STPG2: variants seen among roughly 807,000 people sequenced by gnomAD.
The protein encoded by STPG2 is sperm-tail PG-rich repeat-containing protein 2.
In STPG2, 56 loss-of-function variants were observed where a neutral mutation model predicts 54.2. The observed-to-expected ratio is 1.03, with a 90% CI of 0.83 to 1.29. The LOEUF is 1.29. Among genes scored for constraint, STPG2 ranks in the 50% most tolerant of loss-of-function variants. The pLI is 0.00. For synonymous variants in STPG2, 200 were observed against 181.8 expected (o/e 1.10, Z -0.81); for missense variants, 596 against 544.9 (o/e 1.09, Z -0.93).
chr4:97,978,661 A>G (rs1410590661), intron 6 of STPG2, among the ~76,000 whole-genome samples: 2 of 152,218 alleles, frequency 1.3e-5, no homozygotes, highest in Non-Finnish European at 2.9e-5. Flanking sequence ...AACTTAAAAT[A>G]AAAGTTAAAA....
intron 9 of STPG2, among the ~76,000 whole-genome samples, chr4:97,806,158 C>T (rs561752794): frequency 2.4e-4 from 37 of 152,226 alleles, no homozygotes; most frequent in Admixed American, 1.6e-3. Context: ...AAATGTGGTA[C>T]ATAAACACAA....
At chr4:97,580,272 A>C (rs984826473) in intron 10 of STPG2, among the ~76,000 whole-genome samples, 1 of 151,944 alleles carries the variant, frequency 6.6e-6, no homozygotes, top group Non-Finnish European at 1.5e-5. Context: ...TATCAGAATC[A>C]CCAGGTGACA....
At position 97,476,828 on chromosome 4, in the gene STPG2, C is replaced by T. The variant is rs1055944243; in HGVS notation, c.462+235871G>A. ...TTACACTGGAATATTTTCTTTCATC[C>T]CAACAATAAACTCTAAGTGGTTCCA... On this transcript the variant is annotated intron_variant, in intron 4 of 4. Transcript: ENST00000522676. Among the ~76,000 whole-genome samples the T allele has an allele frequency of 2.0e-5, 3 of 152,120 alleles. No individual in the cohort carries two copies. The East Asian group carries it at 5.8e-4, about 29-fold the overall frequency.
At chr4:97,486,705 A>G (rs925780148) in intron 4 of STPG2, among the ~76,000 whole-genome samples, 1 of 151,744 alleles carries the variant, frequency 6.6e-6, no homozygotes, top group African/African-American at 2.4e-5. Flanking sequence ...CATGAAAAAG[A>G]TACTTGCACA....
At chr4:97,556,390 A>G (rs576343879), downstream of STPG2, among the ~76,000 whole-genome samples, 16 of 152,308 alleles carry the variant, frequency 1.1e-4, no homozygotes, top group East Asian at 2.5e-3. Context: ...AATTTATCTA[A>G]CTTATAAGAA....
chr4:97,926,413 C>T (rs927865571), intron 8 of STPG2, among the ~76,000 whole-genome samples: 1 of 152,086 alleles, frequency 6.6e-6, no homozygotes, highest in Non-Finnish European at 1.5e-5. Flanking sequence ...TTCATTTTAC[C>T]AGACTTCCCC....
At chr4:97,942,026 C>T (rs1232774989) in intron 8 of STPG2, among the ~76,000 whole-genome samples, 1 of 151,668 alleles carries the variant, frequency 6.6e-6, no homozygotes. Flanking sequence ...TAAATTAAGT[C>T]AAAAATATTG....
chr4:97,987,180 C>A (rs2149266817), intron 5 of STPG2, among the ~76,000 whole-genome samples: 1 of 152,266 alleles, frequency 6.6e-6, no homozygotes, highest in Non-Finnish European at 1.5e-5. Context: ...ATTTCCTTAG[C>A]AAAGCAGCCC....
intron 10 of STPG2, among the ~76,000 whole-genome samples, chr4:97,632,887 C>A (rs1054054320): frequency 2.6e-5 from 4 of 152,068 alleles, no homozygotes; most frequent in Non-Finnish European, 2.9e-5. Flanking sequence ...ATCAATTATT[C>A]ATTCAACAAC....
intron 10 of STPG2, among the ~76,000 whole-genome samples, chr4:97,569,300 T>G (rs1417068459): frequency 6.6e-6 from 1 of 152,192 alleles, no homozygotes; most frequent in East Asian, 1.9e-4. Flanking sequence ...CAATGCATTA[T>G]AATTAGTGTA....
intron 10 of STPG2, among the ~76,000 whole-genome samples, chr4:97,695,958 A>G (rs1412145888): frequency 6.6e-6 from 1 of 152,118 alleles, no homozygotes; most frequent in African/African-American, 2.4e-5. Flanking sequence ...TGCAGTTCCC[A>G]TCAAACTGCA....
chr4:97,597,312 C>A lies in STPG2; in HGVS notation c.1321-38195G>T, dbSNP rs181455494. Among the ~76,000 whole-genome samples the A allele has an allele frequency of 2.9e-3, 445 of 152,054 alleles. 1 individual carries two copies. Among genetic ancestry groups the A allele is most frequent in the Non-Finnish European group, 5.1e-3 (346 of 67,970 alleles). ...GCCCACAACCAGATGGATTCACAGC[C>A]AAATCCTACCAGATGTATAAGAAAG... On this transcript the variant is annotated intron_variant, in intron 10 of 10. Transcript: ENST00000295268.
intron 9 of STPG2, among the ~76,000 whole-genome samples, chr4:97,741,749 C>G (rs375747048): frequency 6.6e-6 from 1 of 151,250 alleles, no homozygotes; most frequent in Admixed American, 6.6e-5. Context: ...AATAGGAACA[C>G]TTTTACACTG....
At position 97,580,225 on chromosome 4, in the gene STPG2, T is replaced by A. The variant is rs566364949; in HGVS notation, c.1321-21108A>T. On this transcript the variant is annotated intron_variant, in intron 10 of 10. Coordinates refer to ENST00000295268, the MANE Select transcript of STPG2 (RefSeq NM_174952.3). Reference sequence around the variant, plus strand: ...CCGTATTTATTCTGCAATAAAGTCATAAGACAGCGTTAACTCACTCATTTT... The same window carrying A: ...CCGTATTTATTCTGCAATAAAGTCAAAAGACAGCGTTAACTCACTCATTTT... 3.3e-5 allele frequency among the ~76,000 whole-genome samples: 5 copies of A among 152,072 alleles called. No homozygotes were observed. In the South Asian group the frequency reaches 6.2e-4, roughly 19 times the overall value.
In STPG2 at chr4:97,887,375, G is replaced by C. The variant is rs185125770; in HGVS notation, c.1045-46443C>G. On this transcript the variant is annotated intron_variant, in intron 8 of 10. Coordinates refer to ENST00000295268, the MANE Select transcript of STPG2 (RefSeq NM_174952.3). ...GGTTGACAAGATCTCAGATGGAGAT[G>C]AGGAACTTATTGGGAACTGGAGTAA... Among the ~76,000 whole-genome samples the C allele has an allele frequency of 1.2e-4, 18 of 152,266 alleles. 1 individual carries two copies. The highest frequency in any genetic ancestry group is 8.5e-4 in the Admixed American group (13 of 15,278).
chr4:97,907,550 A>G (rs13111545), intron 8 of STPG2, among the ~76,000 whole-genome samples: 56,779 of 151,012 alleles, frequency 0.38, 10,739 homozygotes, highest in Middle Eastern at 0.46. Context: ...AAAAGAGCCT[A>G]CATCGCCAAG....
intron 10 of STPG2, among the ~76,000 whole-genome samples, chr4:97,591,158 TAACA>T (rs1413560036): frequency 6.6e-6 from 1 of 152,084 alleles, no homozygotes; most frequent in Non-Finnish European, 1.5e-5. Context: ...AGCATGTAAC[TAACA>T]AATAACTGTA....
intron 3 of STPG2, among the ~76,000 whole-genome samples, chr4:98,125,564 G>GC (rs1338912767): frequency 6.6e-6 from 1 of 151,134 alleles, no homozygotes; most frequent in East Asian, 2.0e-4. Flanking sequence ...TGTCCCAGAG[G>GC]GCACCGACCT....
intron 10 of STPG2, among the ~76,000 whole-genome samples, chr4:97,572,406 G>A (rs1236450076): frequency 6.6e-6 from 1 of 152,072 alleles, no homozygotes; most frequent in East Asian, 1.9e-4. Context: ...ACATGCAGCA[G>A]CTATTATATC....
Sources: gnomAD v4.1 joint callset for allele counts (sites outside exome capture counted in the v4.1 genomes callset) on GRCh38, gnomAD v4.1.1 for gene constraint, MANE v1.5 for transcripts, NCBI Gene and HGNC (gene_info 2026-07-23, HGNC 2026-07-21) for gene names.